Variants in WIPF1 observed in about 807,000 individuals in gnomAD.
WIPF1 encodes the protein WAS/WASL interacting protein family member 1.
A neutral mutation model predicts 35.4 loss-of-function variants in WIPF1; 13 were observed. The ratio of observed to expected loss-of-function variants is 0.37; its 90% confidence interval spans 0.24 to 0.58. The LOEUF is 0.58. WIPF1 is among the 20% of genes least tolerant of loss of function. WIPF1 has a pLI of 0.74. For synonymous variants in WIPF1, 267 were observed against 266.3 expected (o/e 1.00, Z -0.02); for missense variants, 591 against 667.0 (o/e 0.89, Z 1.25).
At chr2:174,640,641 T>C (rs371296631) in intron 1 of WIPF1, among the ~76,000 whole-genome samples, 4 of 151,936 alleles carry the variant, frequency 2.6e-5, no homozygotes, top group African/African-American at 9.7e-5. Flanking sequence ...CTTTAAGTTC[T>C]AGAGTACATG....
rs71024821 is a variant in WIPF1 at position 174,632,709 on chromosome 2, CAA to C, written c.-38-47100_-38-47099del. ...AGGCGACAAGAGCAAAACTCCATCT[CAA>C]AAAAAAAAAAAAAAAAAAAAAAAAA... On this transcript the variant is annotated intron_variant, in intron 1 of 8. Coordinates refer to the WIPF1 transcript ENST00000272746. Among the ~76,000 whole-genome samples, 574 of 68,850 alleles carry C rather than the reference CAA, an allele frequency of 8.3e-3. 1 individual carries two copies. Among genetic ancestry groups the C allele is most frequent in the African/African-American group, 0.033 (534 of 16,316 alleles). The allele number at this position is 68,850 out of a possible 152,430, so 45.2% of individuals were successfully genotyped here.
rs1686698459 is a variant in WIPF1 at position 174,622,242 on chromosome 2, C to A, written c.-38-36631G>T. Among the ~76,000 whole-genome samples, 1 of 152,106 alleles carries A rather than the reference C, an allele frequency of 6.6e-6. No individual in the cohort carries two copies. Among genetic ancestry groups the A allele is most frequent in the Admixed American group, 6.5e-5 (1 of 15,276 alleles). On this transcript the variant is annotated intron_variant, in intron 1 of 8. Transcript: ENST00000272746. This position sits in a 1 kb window ranked among gnomAD's most constrained non-coding sequence, Gnocchi z 5.1. ...TTCCTAAACTTCAAATATTTGCAAACTAACTTCATAATTTTGTCATGCCTG... is the reference window on the plus strand; with the variant it reads ...TTCCTAAACTTCAAATATTTGCAAAATAACTTCATAATTTTGTCATGCCTG...
At chr2:174,638,514 ATTGTAACT>A (rs1687231370) in intron 1 of WIPF1, among the ~76,000 whole-genome samples, 1 of 152,106 alleles carries the variant, frequency 6.6e-6, no homozygotes, top group Non-Finnish European at 1.5e-5. Context: ...CTCCTGTCTA[ATTGTAACT>A]TTGTACCTGT....
At chr2:174,578,312 C>A (rs926652847) in intron 3 of WIPF1, among the ~76,000 whole-genome samples, 1 of 152,192 alleles carries the variant, frequency 6.6e-6, no homozygotes, top group African/African-American at 2.4e-5. Flanking sequence ...ACATTAGGAT[C>A]ATGCCAATTT....
intron 1 of WIPF1, among the ~76,000 whole-genome samples, chr2:174,610,440 T>C (rs2105897894): frequency 6.6e-6 from 1 of 152,252 alleles, no homozygotes; most frequent in South Asian, 2.1e-4. Flanking sequence ...CATGACTACA[T>C]TTAAATATTG....
chr2:174,572,161 G>A lies in WIPF1; in HGVS notation c.644C>T (p.Pro215Leu), dbSNP rs1430081823. 6.2e-7 allele frequency: 1 copy of A among 1,613,898 alleles called. No homozygotes were observed. Among genetic ancestry groups the A allele is most frequent in the East Asian group, 2.2e-5 (1 of 44,880 alleles). Residue 215 changes from proline (P) to leucine (L), a missense_variant, in exon 5 of 8, where the codon CCC (proline) becomes CTC (leucine). Around this residue, in one of 3 missense-constraint regions of WIPF1, gnomAD observed 471 missense variants for 501.1 expected, o/e 0.94. Coordinates refer to ENST00000679041, the MANE Select transcript of WIPF1 (RefSeq NM_001375834.1). Reference sequence around the variant, plus strand: ...AGGGAAAGGGGGAGGAGTGGGCCCGGGGCTGGGCTGCCTGGGGCCTCCGGG... The same window carrying A: ...AGGGAAAGGGGGAGGAGTGGGCCCGAGGCTGGGCTGCCTGGGGCCTCCGGG... ...PVPGGPRQPS[P>L]GPTPPPFPGN...
At chr2:174,631,588 T>C (rs1687023767) in intron 1 of WIPF1, among the ~76,000 whole-genome samples, 1 of 152,232 alleles carries the variant, frequency 6.6e-6, no homozygotes, top group Non-Finnish European at 1.5e-5. Flanking sequence ...ATGGTTAAGA[T>C]GGTAAATTTT....
intron 1 of WIPF1, among the ~76,000 whole-genome samples, chr2:174,621,070 G>C (rs1321395413): frequency 6.6e-6 from 1 of 152,204 alleles, no homozygotes; most frequent in African/African-American, 2.4e-5. Flanking sequence ...GCGATGCCAT[G>C]GTCAAAGTGG....
intron 1 of WIPF1, among the ~76,000 whole-genome samples, chr2:174,593,454 G>C (rs184189483): frequency 6.6e-6 from 1 of 152,108 alleles, no homozygotes; most frequent in African/African-American, 2.4e-5. Flanking sequence ...TAAAATCATC[G>C]AGCAAACTCA....
At chr2:174,676,716 G>A (rs1422510511) in intron 1 of WIPF1, 1 of 152,134 alleles carries the variant, frequency 6.6e-6, no homozygotes, top group Non-Finnish European at 1.5e-5. Flanking sequence ...TCAGATACAG[G>A]TATTAGACCA....
At chr2:174,643,771 G>A (rs1687346220) in intron 1 of WIPF1, among the ~76,000 whole-genome samples, 3 of 152,024 alleles carry the variant, frequency 2.0e-5, no homozygotes, top group African/African-American at 7.3e-5. Context: ...GTGCATAAAG[G>A]TTCATTATTG....
At chr2:174,651,989 G>A (rs1289363019) in intron 1 of WIPF1, among the ~76,000 whole-genome samples, 2 of 152,214 alleles carry the variant, frequency 1.3e-5, no homozygotes, top group Non-Finnish European at 2.9e-5. Flanking sequence ...ACTCAACCAA[G>A]ACTGTCATCC....
intron 1 of WIPF1, chr2:174,655,393 G>A (rs1231540311): frequency 1.3e-5 from 2 of 152,156 alleles, no homozygotes; most frequent in African/African-American, 2.4e-5. Context: ...CCATGACTGG[G>A]ATCAAGTCCA....
chr2:174,568,663 G>T (rs1684741331), intron 5 of WIPF1: 1 of 152,350 alleles, frequency 6.6e-6, no homozygotes, highest in South Asian at 2.1e-4. Context: ...TGGGGAGGCA[G>T]ATAAACACAG....
chr2:174,650,991 C>T (rs1323767054), intron 1 of WIPF1, among the ~76,000 whole-genome samples: 3 of 152,226 alleles, frequency 2.0e-5, no homozygotes, highest in Non-Finnish European at 4.4e-5. Flanking sequence ...AATTGGCTTT[C>T]GCATTGCTTG....
intron 1 of WIPF1, among the ~76,000 whole-genome samples, chr2:174,645,822 G>A (rs1338630545): frequency 2.0e-5 from 3 of 152,186 alleles, no homozygotes; most frequent in Non-Finnish European, 4.4e-5. Context: ...CCAACGTTGT[G>A]CAACTGAATT....
chr2:174,571,972 T>C lies in WIPF1; in HGVS notation c.833A>G (p.His278Arg), dbSNP rs1186029517. ...AGGAGGAGGGGGAACCGCTTCCCTG[T>C]GGATGGAGGGCCTGTTGCCCACTGG... is the stretch of plus-strand genomic sequence containing the variant. ...PPPVGNRPSI[H>R]REAVPPPPPQ... The change falls in exon 5 of 8, where the codon CAC becomes CGC. Residue 278 changes from histidine to arginine, a missense_variant. His to Arg is a conservative substitution (Grantham distance 29, BLOSUM62 0). Coordinates refer to ENST00000679041, the MANE Select transcript of WIPF1 (RefSeq NM_001375834.1). The surrounding 1 kb of genome is among the most constrained non-coding windows in gnomAD (Gnocchi z 4.6). 3 of 1,560,938 alleles carry C rather than the reference T, an allele frequency of 1.9e-6. No homozygotes were observed. Among genetic ancestry groups the C allele is most frequent in the Non-Finnish European group, 2.6e-6 (3 of 1,155,854 alleles).
chr2:174,563,090 C>T (rs1684537206), intron 7 of WIPF1, among the ~76,000 whole-genome samples: 1 of 152,194 alleles, frequency 6.6e-6, no homozygotes, highest in Non-Finnish European at 1.5e-5. Context: ...GACTACACTA[C>T]AGTCTACCTA....
Position 174,669,436 on chromosome 2 carries a change from T to G in WIPF1, c.-39+13338A>C, listed in dbSNP as rs909780776. On this transcript the variant is annotated intron_variant, in intron 1 of 8. Coordinates refer to the WIPF1 transcript ENST00000272746. ...GAGATAACTGCACTAGAAGGACACA[T>G]GATTTCATTCAGCTGGTATTTATTA... 3.3e-5 allele frequency among the ~76,000 whole-genome samples: 5 copies of G among 152,224 alleles called. No individual in the cohort carries two copies. In the East Asian group the frequency reaches 5.8e-4, roughly 18 times the overall value.
Sources: gnomAD v4.1 joint callset for allele counts (sites outside exome capture counted in the v4.1 genomes callset) on GRCh38, gnomAD v4.1.1 for gene constraint, gnomAD v4.1.1 regional missense constraint, Gnocchi (gnomAD v3.1) non-coding constraint, MANE v1.5 for transcripts, NCBI Gene and HGNC (gene_info 2026-07-23, HGNC 2026-07-21) for gene names.